Variants in ZBBX observed in about 807,000 individuals in gnomAD.
ZBBX encodes the protein zinc finger B-box domain containing, also known as zinc finger B-box domain-containing protein 1.
ZBBX carries 101 observed loss-of-function variants against 108.5 expected under a neutral mutation model. The ratio of observed to expected loss-of-function variants is 0.93; its 90% CI spans 0.79 to 1.10. ZBBX has a LOEUF of 1.10. Among genes scored for constraint, ZBBX ranks in the 50% least tolerant of loss-of-function variants. ZBBX has a pLI of 0.00. For missense variants in ZBBX, 1,009 were observed against 941.4 expected (o/e 1.07, Z -0.94); for synonymous variants, 356 against 323.4 (o/e 1.10, Z -1.08).
chr3:167,348,344 G>GA (rs1174076303), intron 9 of ZBBX, among the ~76,000 whole-genome samples: 4 of 102,866 alleles, frequency 3.9e-5, no homozygotes, highest in Admixed American at 1.1e-4. Flanking sequence ...AAGAAAGAAA[G>GA]AAAGAAAGAA....
At chr3:167,402,587 C>T (rs1351852356) in intron 1 of ZBBX, among the ~76,000 whole-genome samples, 1 of 151,986 alleles carries the variant, frequency 6.6e-6, no homozygotes, top group Non-Finnish European at 1.5e-5. Context: ...AAATAGGACT[C>T]ACGCGCAAGG....
the ZBBX span, among the ~76,000 whole-genome samples, chr3:167,203,676 A>G: frequency 6.6e-6 from 1 of 152,186 alleles, no homozygotes; most frequent in Non-Finnish European, 1.5e-5. Flanking sequence ...AGTGAGCCAA[A>G]GAAATTCTAC....
At chr3:167,238,062 T>A (rs207464041), downstream of ZBBX, among the ~76,000 whole-genome samples, 1 of 152,010 alleles carries the variant, frequency 6.6e-6, no homozygotes, top group South Asian at 2.1e-4. Context: ...AAAAGGAAGA[T>A]GTCTTAGAGC....
At chr3:167,194,229 A>AATATATATATATATATAT in the ZBBX span, among the ~76,000 whole-genome samples, 3,061 of 139,280 alleles carry the variant, frequency 0.022, 62 homozygotes, top group Non-Finnish European at 0.032. Context: ...ATATGTACTA[A>AATATATATATATATATAT]ATATATATAT....
At chr3:167,402,581 A>G (rs919059695) in intron 1 of ZBBX, among the ~76,000 whole-genome samples, 2 of 152,194 alleles carry the variant, frequency 1.3e-5, no homozygotes, top group Non-Finnish European at 2.9e-5. Context: ...AGGCAGAAAT[A>G]GGACTCACGC....
At chr3:167,246,902 G>A (rs899701637) in intron 20 of ZBBX, among the ~76,000 whole-genome samples, 2 of 152,182 alleles carry the variant, frequency 1.3e-5, no homozygotes, top group African/African-American at 4.8e-5. Context: ...AAGCAATACA[G>A]ATGATAATTA....
At chr3:167,317,694 C>A (rs904815877) in intron 12 of ZBBX, 97 bp from the exon 13 acceptor site, 5 of 703,326 alleles carry the variant, frequency 7.1e-6, no homozygotes, top group South Asian at 2.1e-5. Flanking sequence ...AATGAGTATA[C>A]AAAATTAATG....
chr3:167,265,855 T>C (rs1453989841), intron 20 of ZBBX, among the ~76,000 whole-genome samples: 1 of 152,208 alleles, frequency 6.6e-6, no homozygotes, highest in Admixed American at 6.5e-5. Context: ...AGCTTTATTC[T>C]CTGCTGTGAC....
At position 167,406,894 on chromosome 3, in the gene ZBBX, G is replaced by A. The variant is rs555557156; in HGVS notation, c.-446+832C>T. On this transcript the variant is annotated intron_variant, in intron 1 of 21. Transcript: ENST00000455345. ...GGAAAATCTTTTAATTTGTATGTAG[G>A]ATTTGGCATTTGAAAAAATAATCTA... Among the ~76,000 whole-genome samples the A allele has an allele frequency of 3.9e-5, 6 of 152,262 alleles. No individual in the cohort carries two copies. In the South Asian group the frequency reaches 1.2e-3, roughly 32 times the overall value.
At chr3:167,184,375 T>C in the ZBBX span, among the ~76,000 whole-genome samples, 5 of 152,070 alleles carry the variant, frequency 3.3e-5, no homozygotes, top group African/African-American at 1.2e-4. Flanking sequence ...GGCCAAATGA[T>C]AGAGATAGTT....
intron 6 of ZBBX, among the ~76,000 whole-genome samples, chr3:167,365,563 A>C (rs1202480386): frequency 6.6e-6 from 1 of 151,804 alleles, no homozygotes; most frequent in Non-Finnish European, 1.5e-5. Flanking sequence ...AAATAACAAT[A>C]GCTTTCACCT....
upstream of ZBBX, among the ~76,000 whole-genome samples, chr3:167,382,140 G>C (rs1340700360): frequency 2.0e-5 from 3 of 152,088 alleles, no homozygotes; most frequent in Non-Finnish European, 4.4e-5. Flanking sequence ...AATGTATAAA[G>C]TATTCTTGCA....
chr3:167,375,521 G>A (rs1392613428), intron 2 of ZBBX, among the ~76,000 whole-genome samples: 2 of 151,960 alleles, frequency 1.3e-5, no homozygotes, highest in Non-Finnish European at 1.5e-5. Context: ...GAACCCGGGA[G>A]GTCGAGATTG....
chr3:167,372,912 T>A lies in ZBBX; in HGVS notation c.-11A>T. On this transcript the variant is annotated 5_prime_UTR_variant, in exon 4 of 22. In the 5' UTR this introduces an upstream ATG that the reference lacks. Transcript: ENST00000675490. ...ATCTTTTCTGTTCATGATTACCACC[T>A]TAATATTGTCTAAAAGTTATTCTGA... 6.3e-7 allele frequency: 1 copy of A among 1,579,820 alleles called. No homozygotes were observed. Among genetic ancestry groups the A allele is most frequent in the Non-Finnish European group, 8.6e-7 (1 of 1,166,608 alleles).
chr3:167,259,093 G>A (rs566284399), intron 20 of ZBBX, among the ~76,000 whole-genome samples: 12 of 130,554 alleles, frequency 9.2e-5, no homozygotes, highest in Non-Finnish European at 1.5e-4. Context: ...CTGTGAATCC[G>A]TCTGGTCATG....
chr3:167,268,121 T>C (rs994654221), intron 20 of ZBBX, among the ~76,000 whole-genome samples: 2 of 152,106 alleles, frequency 1.3e-5, no homozygotes, highest in Non-Finnish European at 2.9e-5. Context: ...TCTGACTCTC[T>C]TCCGCTTGAG....
At chr3:167,308,329 G>A (rs1734015035) in intron 16 of ZBBX, among the ~76,000 whole-genome samples, 1 of 152,226 alleles carries the variant, frequency 6.6e-6, no homozygotes, top group East Asian at 1.9e-4. Flanking sequence ...GTGAGGTTGT[G>A]CAGAGAAAGG....
At chr3:167,380,168 A>G (rs1485496542) in intron 1 of ZBBX, 79 bp downstream of exon 1, 1 of 152,420 alleles carries the variant, frequency 6.6e-6, no homozygotes, top group African/African-American at 2.4e-5. Context: ...CCCCGCACCA[A>G]CTAGCCCGGG....
At chr3:167,193,176 G>T in the ZBBX span, among the ~76,000 whole-genome samples, 1 of 152,058 alleles carries the variant, frequency 6.6e-6, no homozygotes, top group African/African-American at 2.4e-5. Context: ...TTCCCCACTA[G>T]GTTATTGCCT....
Sources: allele counts gnomAD v4.1 joint callset (sites outside exome capture counted in the v4.1 genomes callset), GRCh38; gene constraint gnomAD v4.1.1; transcripts MANE v1.5; gene names NCBI Gene and HGNC (gene_info 2026-07-23, HGNC 2026-07-21).